The following C8A variants were observed in gnomAD, a reference collection of about 807,000 sequenced individuals.
C8A encodes complement C8 alpha chain, also known as complement component C8 alpha chain.
Under a neutral mutation model 65.3 loss-of-function variants are expected in C8A, and 67 were observed. The ratio of observed to expected loss-of-function variants is 1.03; its 90% CI spans 0.84 to 1.26. The LOEUF (loss-of-function observed/expected upper bound fraction) is 1.26. Among genes scored for constraint, C8A ranks in the 50% most tolerant of loss-of-function variants. C8A has a pLI of 0.00. For synonymous variants in C8A, 290 were observed against 259.4 expected (o/e 1.12, Z -1.13); for missense variants, 781 against 723.9 (o/e 1.08, Z -0.90).
chr1:56,878,080 C>G (rs1314624130), intron 4 of C8A, among the ~76,000 whole-genome samples: 4 of 152,104 alleles, frequency 2.6e-5, no homozygotes, highest in Non-Finnish European at 1.5e-5. Flanking sequence ...TCTTCTGAGG[C>G]CTCTCTCCCT....
chr1:56,870,098 T>C (rs907232969), intron 2 of C8A, among the ~76,000 whole-genome samples: 1 of 152,120 alleles, frequency 6.6e-6, no homozygotes, highest in Non-Finnish European at 1.5e-5. Flanking sequence ...CTCATTTTGC[T>C]CTGACATCCT....
At chr1:56,899,547 A>T (rs979521776) in intron 7 of C8A, among the ~76,000 whole-genome samples, 1 of 152,194 alleles carries the variant, frequency 6.6e-6, no homozygotes, top group African/African-American at 2.4e-5. Flanking sequence ...TCCACCCAGT[A>T]CATAATAGTG....
rs1233229378 is a variant in C8A at position 56,867,714 on chromosome 1, A to G, written c.171+12A>G. 1 of 1,603,622 alleles carries G rather than the reference A, an allele frequency of 6.2e-7. No individual in the cohort carries two copies. The highest frequency in any genetic ancestry group is 1.3e-5 in the African/African-American group (1 of 74,718). ...GCCAGGACAAAAAGGTGAGACACTTACAACCGGTTTGGGGGCATTTCATAT... is the reference window on the plus strand; with the variant it reads ...GCCAGGACAAAAAGGTGAGACACTTGCAACCGGTTTGGGGGCATTTCATAT... On this transcript the variant is annotated intron_variant, in intron 2 of 10. Coordinates refer to ENST00000361249, the MANE Select transcript of C8A (RefSeq NM_000562.3).
At chr1:56,912,758 G>C (rs1285330413) in intron 10 of C8A, 133 bp downstream of exon 10, 2 of 756,606 alleles carry the variant, frequency 2.6e-6, no homozygotes, top group Non-Finnish European at 4.6e-6. Flanking sequence ...ACCCTTGAGA[G>C]TTCTGTTACT....
Position 56,917,945 on chromosome 1 carries a change from G to A in C8A, c.*229G>A. 1 of 537,520 alleles carries A rather than the reference G, an allele frequency of 1.9e-6. No homozygotes were observed. Among genetic ancestry groups the A allele is most frequent in the Admixed American group, 3.2e-5 (1 of 31,298 alleles). The allele number at this position is 537,520 out of a possible 1,614,324, so 33.3% of individuals were successfully genotyped here. On this transcript the variant is annotated 3_prime_UTR_variant, in exon 11 of 11. Transcript: ENST00000361249. ...ACTGGATGTTGACTGTTAACTAGAA[G>A]CTCTGTCCTACTTACAGCACTTTGG...
At chr1:56,912,244 C>A (rs1348216043) in intron 9 of C8A, among the ~76,000 whole-genome samples, 159 bp from the exon 10 acceptor site, 1 of 152,202 alleles carries the variant, frequency 6.6e-6, no homozygotes, top group Non-Finnish European at 1.5e-5. Context: ...ACCTATGTCA[C>A]AGAATGGCTG....
chr1:56,876,290 G>C lies in C8A; in HGVS notation c.464+81G>C, dbSNP rs558844485. The stretch of plus-strand genomic sequence containing the variant: ...GAGCATTAGTTTTGAGGACAGAAGG[G>C]GGCCATTTTGGAGGGTTCCTCTGGA... On this transcript the variant is annotated intron_variant, in intron 4 of 10. Transcript: ENST00000361249. The C allele has an allele frequency of 1.9e-6, 3 of 1,557,234 alleles. No individual in the cohort carries two copies. The East Asian group carries it at 6.8e-5, about 35-fold the overall frequency.
chr1:56,912,548 TCCTCGAGGGCACCAGCTG>T lies in C8A; in HGVS notation c.1528_1545del (p.Leu510_Cys515del). 1 of 1,614,126 alleles carries T rather than the reference TCCTCGAGGGCACCAGCTG, an allele frequency of 6.2e-7. No individual in the cohort carries two copies. The highest frequency in any genetic ancestry group is 8.5e-7 in the Non-Finnish European group (1 of 1,180,006). On this transcript the variant is annotated inframe_deletion, in exon 10 of 11. Coordinates refer to ENST00000361249, the MANE Select transcript of C8A (RefSeq NM_000562.3). ...CCTTGCTTCAACAATGGGGTGCCCA[TCCTCGAGGGCACCAGCTG>T]CAGGTGCCAGTGCCGCCTGGGTAGC...
chr1:56,874,859 TC>T, intron 2 of C8A, 89 bp from the exon 3 acceptor site: 1 of 1,408,008 alleles, frequency 7.1e-7, no homozygotes. Context: ...GATAATTATT[TC>T]TTATGTTGAG....
In C8A at chr1:56,883,464, A is replaced by G; in HGVS notation, c.655-17A>G. On this transcript the variant is annotated splice_polypyrimidine_tract_variant and intron_variant, in intron 5 of 10. Coordinates refer to ENST00000361249, the MANE Select transcript of C8A (RefSeq NM_000562.3). ...CTCTATGTGCACAAAGCTAATATCT[A>G]TCCTTTTTTTTTTCAGGCCCTGGCA... The G allele has an allele frequency of 3.1e-6, 5 of 1,599,334 alleles. No individual in the cohort carries two copies. The highest frequency in any genetic ancestry group is 2.2e-5 in the South Asian group (2 of 90,766).
chr1:56,891,649 G>A (rs1304966370), intron 7 of C8A, among the ~76,000 whole-genome samples: 1 of 152,106 alleles, frequency 6.6e-6, no homozygotes, highest in African/African-American at 2.4e-5. Flanking sequence ...TAGATAGACT[G>A]GGTGTGGATT....
chr1:56,904,230 G>A (rs1008399333), intron 7 of C8A, among the ~76,000 whole-genome samples: 3 of 152,004 alleles, frequency 2.0e-5, no homozygotes, highest in Non-Finnish European at 4.4e-5. Context: ...CCTCTGACCC[G>A]ACCCCAACTT....
At position 56,906,678 on chromosome 1, in the gene C8A, A is replaced by G; in HGVS notation, c.1108A>G (p.Arg370Gly). Residue 370 changes from arginine (R) to glycine (G), a missense_variant, in exon 8 of 11, where the codon AGA becomes GGA. By Grantham distance (125) the Arg-to-Gly change is moderately radical (BLOSUM62 -2). Transcript: ENST00000361249. ...TCTCCCTGTTGCAGGTATTACCAGC[A>G]GAGATATCACGACATGTTTTGGAGG... ...AKMESLGITS[R>G]DITTCFGGSL... is the part of the protein sequence containing the mutation. 6.2e-7 allele frequency: 1 copy of G among 1,614,046 alleles called. No individual in the cohort carries two copies. Among genetic ancestry groups the G allele is most frequent in the Non-Finnish European group, 8.5e-7 (1 of 1,179,896 alleles).
At position 56,883,626 on chromosome 1, in the gene C8A, T is replaced by C. The variant is rs145325749; in HGVS notation, c.800T>C (p.Val267Ala). ...AGCCCTTTATTGGTGGGTGTAGGTG[T>C]ATCCCACTCACAAGACACTTCATTC... ...AGSPLLVGVG[V>A]SHSQDTSFLN... is the part of the protein sequence containing the mutation. Residue 267 changes from valine (V) to alanine (A), a missense_variant, in exon 6 of 11, where the codon GTA becomes GCA. Val to Ala is a moderately conservative substitution (Grantham distance 64). Transcript: ENST00000361249. The C allele has an allele frequency of 8.1e-6, 13 of 1,613,816 alleles. No individual in the cohort carries two copies. The East Asian group carries it at 2.0e-4, about 25-fold the overall frequency.
Position 56,885,366 on chromosome 1 carries a change from AT to A in C8A, c.856-560del, listed in dbSNP as rs1215239593. Among the ~76,000 whole-genome samples the A allele has an allele frequency of 6.6e-4, 55 of 83,316 alleles. 6 individuals carry two copies. The highest frequency in any genetic ancestry group is 3.2e-3 in the African/African-American group (53 of 16,432). The allele number at this position is 83,316 out of a possible 152,430, so 54.7% of individuals were successfully genotyped here. On this transcript the variant is annotated intron_variant, in intron 6 of 10. Coordinates refer to ENST00000361249, the MANE Select transcript of C8A (RefSeq NM_000562.3). ...CATAAATATATATTTATGTAAATAT[AT>A]ATTTATATTTATTTAAATATATATT...
intron 10 of C8A, among the ~76,000 whole-genome samples, chr1:56,916,111 C>T (rs1644549107): frequency 6.6e-6 from 1 of 152,198 alleles, no homozygotes; most frequent in Admixed American, 6.5e-5. Context: ...GGCTCAGTGG[C>T]AGGCAGGCTG....
Position 56,893,721 on chromosome 1 carries a change from C to G in C8A, c.1096+7554C>G, listed in dbSNP as rs181158519. On this transcript the variant is annotated intron_variant, in intron 7 of 10. Coordinates refer to ENST00000361249, the MANE Select transcript of C8A (RefSeq NM_000562.3). The stretch of plus-strand genomic sequence containing the variant: ...CTCACCTGCAAGCTGGAAATACTGT[C>G]ATCTGCCTCATAGAGTGGTTGGTTG... 9.2e-5 allele frequency among the ~76,000 whole-genome samples: 14 copies of G among 152,246 alleles called. No homozygotes were observed. The East Asian group carries it at 2.7e-3, about 29-fold the overall frequency.
chr1:56,893,275 CACTT>C (rs1644362406), intron 7 of C8A, among the ~76,000 whole-genome samples: 1 of 152,102 alleles, frequency 6.6e-6, no homozygotes, highest in Admixed American at 6.6e-5. Flanking sequence ...GTCCAAGCAG[CACTT>C]ACTATTATGG....
At chr1:56,867,089 C>A (rs1348480566) in intron 1 of C8A, among the ~76,000 whole-genome samples, 2 of 152,146 alleles carry the variant, frequency 1.3e-5, no homozygotes, top group Non-Finnish European at 2.9e-5. Context: ...CATAATGTCC[C>A]AGCATGTAAT....
Sources: allele counts gnomAD v4.1 joint callset (sites outside exome capture counted in the v4.1 genomes callset), GRCh38; gene constraint gnomAD v4.1.1; transcripts MANE v1.5; gene names NCBI Gene and HGNC (gene_info 2026-07-23, HGNC 2026-07-21).